Variants in OPCML observed in about 807,000 individuals in gnomAD.
The protein encoded by OPCML is opioid-binding protein/cell adhesion molecule.
Under a neutral mutation model 37.8 loss-of-function variants are expected in OPCML, and 13 were observed. The observed-to-expected ratio is 0.34, with a 90% CI of 0.22 to 0.55. The LOEUF is 0.55. OPCML is among the 20% of genes least tolerant of loss of function. The pLI, the probability that OPCML is intolerant of heterozygous loss-of-function variation, is 0.91. For synonymous variants in OPCML, 176 were observed against 168.8 expected, an observed-to-expected ratio of 1.04 and a Z score of -0.33; for missense variants, 341 against 435.6, an observed-to-expected ratio of 0.78 and a Z score of 1.93.
chr11:133,100,193 G>A (rs553835619), intron 1 of OPCML, among the ~76,000 whole-genome samples: 28 of 152,078 alleles, frequency 1.8e-4, no homozygotes, highest in Middle Eastern at 3.4e-3. Flanking sequence ...AGAGGGTGAG[G>A]ATCAAAGTAC....
intron 3 of OPCML, 133 bp downstream of exon 3, chr11:132,656,954 A>G: frequency 6.9e-7 from 1 of 1,449,586 alleles, no homozygotes; most frequent in Non-Finnish European, 9.2e-7. Context: ...ATTCCAAGAC[A>G]TATAGTCAAA....
chr11:132,967,501 G>A (rs1946241212), intron 1 of OPCML, among the ~76,000 whole-genome samples: 1 of 151,934 alleles, frequency 6.6e-6, no homozygotes, highest in Admixed American at 6.6e-5. Context: ...TTGACCCTGT[G>A]GAATCAAGTT....
At chr11:132,669,321 A>G (rs540994271) in intron 2 of OPCML, among the ~76,000 whole-genome samples, 3 of 152,232 alleles carry the variant, frequency 2.0e-5, no homozygotes, top group Admixed American at 2.0e-4. Flanking sequence ...ATCAGATCAC[A>G]GGTGAATGGG....
At chr11:133,456,385 T>TG (rs1371439811) in intron 1 of OPCML, among the ~76,000 whole-genome samples, 5 of 152,080 alleles carry the variant, frequency 3.3e-5, no homozygotes, top group African/African-American at 4.8e-5. Flanking sequence ...AAAGGCCCCC[T>TG]GATTAGTGAA....
chr11:133,264,659 G>A (rs1425453145), intron 1 of OPCML, among the ~76,000 whole-genome samples: 1 of 152,144 alleles, frequency 6.6e-6, no homozygotes, highest in Non-Finnish European at 1.5e-5. Flanking sequence ...GCACTTAGAA[G>A]CAAGTGCAAA....
At chr11:132,917,120 A>G (rs1299621356) in intron 2 of OPCML, among the ~76,000 whole-genome samples, 1 of 152,164 alleles carries the variant, frequency 6.6e-6, no homozygotes, top group Non-Finnish European at 1.5e-5. Context: ...CTGAGTGTCA[A>G]TGTGGAGTTA....
At chr11:132,919,637 CAGGTA>C (rs1249612398) in intron 2 of OPCML, among the ~76,000 whole-genome samples, 1 of 152,146 alleles carries the variant, frequency 6.6e-6, no homozygotes, top group Non-Finnish European at 1.5e-5. Context: ...CCATCGGAAT[CAGGTA>C]GAGCCTGATG....
At chr11:133,006,265 T>A in intron 1 of OPCML, 2 of 509,740 alleles carry the variant, frequency 3.9e-6, no homozygotes, top group Non-Finnish European at 5.1e-6. Flanking sequence ...GGAAGTGTTC[T>A]AGCAGGGACT....
intron 1 of OPCML, among the ~76,000 whole-genome samples, chr11:133,498,924 CT>C (rs1947845233): frequency 6.6e-6 from 1 of 152,152 alleles, no homozygotes; most frequent in African/African-American, 2.4e-5. Context: ...TACAAGAACC[CT>C]GTGTGATATG....
chr11:133,288,121 G>A (rs774117769), intron 1 of OPCML, among the ~76,000 whole-genome samples: 5 of 152,216 alleles, frequency 3.3e-5, no homozygotes, highest in Non-Finnish European at 7.3e-5. Flanking sequence ...TTCCTGCGGT[G>A]AATGAAGGTG....
At position 132,757,602 on chromosome 11, in the gene OPCML, T is replaced by C. The variant is rs149866072; in HGVS notation, c.147-100283A>G. Among the ~76,000 whole-genome samples the C allele has an allele frequency of 7.2e-3, 1,097 of 152,366 alleles. 16 individuals carry two copies. Among genetic ancestry groups the C allele is most frequent in the African/African-American group, 0.025 (1,023 of 41,584 alleles). On this transcript the variant is annotated intron_variant, in intron 2 of 7. Coordinates refer to ENST00000524381, the MANE Select transcript of OPCML (RefSeq NM_001012393.5). ...TTTTTAGCCGCATAAATGTCTTCTT[T>C]TGAGAAGTGTCTGTTCATATCCTTT...
chr11:133,524,166 T>C (rs1948445639), intron 1 of OPCML, among the ~76,000 whole-genome samples: 1 of 152,230 alleles, frequency 6.6e-6, no homozygotes, highest in African/African-American at 2.4e-5. Flanking sequence ...TGCTTGGTAC[T>C]GTAGAGTATT....
chr11:132,584,497 T>C (rs1331982372), intron 3 of OPCML, among the ~76,000 whole-genome samples: 5 of 152,200 alleles, frequency 3.3e-5, no homozygotes, highest in Non-Finnish European at 7.3e-5. Flanking sequence ...AATACTTTTA[T>C]TTAAAATAAA....
chr11:132,853,924 G>C (rs562782477), intron 2 of OPCML, among the ~76,000 whole-genome samples: 2 of 152,070 alleles, frequency 1.3e-5, no homozygotes, highest in Non-Finnish European at 2.9e-5. Flanking sequence ...TGTGTTAATT[G>C]TGTTCAATGG....
At chr11:132,665,563 G>T (rs1942181823) in intron 2 of OPCML, among the ~76,000 whole-genome samples, 1 of 152,202 alleles carries the variant, frequency 6.6e-6, no homozygotes, top group Non-Finnish European at 1.5e-5. Flanking sequence ...TAAACTGCTT[G>T]GCTGTGGGAG....
chr11:132,743,094 C>A (rs1169083521), intron 2 of OPCML, among the ~76,000 whole-genome samples: 1 of 152,132 alleles, frequency 6.6e-6, no homozygotes, highest in Non-Finnish European at 1.5e-5. Context: ...ATGTTCCTAA[C>A]AGGCAGGGTT....
chr11:133,303,280 C>A (rs185584144), intron 1 of OPCML, among the ~76,000 whole-genome samples: 1 of 152,230 alleles, frequency 6.6e-6, no homozygotes, highest in East Asian at 1.9e-4. Flanking sequence ...AAGGGAAGAG[C>A]AGCACTTCAA....
At chr11:132,480,387 G>A (rs186597978) in intron 4 of OPCML, among the ~76,000 whole-genome samples, 4 of 152,172 alleles carry the variant, frequency 2.6e-5, no homozygotes, top group Admixed American at 6.5e-5. Flanking sequence ...CCAAATCTAC[G>A]TCTGATTGGT....
At chr11:133,313,371 T>G (rs1320035287) in intron 1 of OPCML, among the ~76,000 whole-genome samples, 2 of 152,214 alleles carry the variant, frequency 1.3e-5, no homozygotes, top group Non-Finnish European at 2.9e-5. Flanking sequence ...CAGATTCCAC[T>G]CAACATCACT....
Sources: allele counts gnomAD v4.1 joint callset (sites outside exome capture counted in the v4.1 genomes callset), GRCh38; gene constraint gnomAD v4.1.1; transcripts MANE v1.5; gene names NCBI Gene and HGNC (gene_info 2026-07-23, HGNC 2026-07-21).